LHFPL3: variants seen among roughly 807,000 people sequenced by gnomAD.
LHFPL3 encodes LHFPL tetraspan subfamily member 3 protein.
A neutral mutation model predicts 19.3 loss-of-function variants in LHFPL3; 5 were observed. The observed-to-expected ratio is 0.26, with a 90% CI of 0.14 to 0.54. The LOEUF is 0.54. Among genes scored for constraint, LHFPL3 ranks in the 20% least tolerant of loss-of-function variants. The probability of loss-of-function intolerance (pLI) is 0.94; values close to 1 mark genes in which losing one functional copy is unlikely to be tolerated. For synonymous variants in LHFPL3, 133 were observed against 126.2 expected (o/e 1.05, Z -0.36); for missense variants, 249 against 307.4 (o/e 0.81, Z 1.42).
In LHFPL3 at chr7:104,739,591, AT is replaced by A. The variant is rs145926577; in HGVS notation, c.682+2689del. Among the ~76,000 whole-genome samples, 57 of 150,814 alleles carry A rather than the reference AT, an allele frequency of 3.8e-4. 1 individual carries two copies. Among genetic ancestry groups the A allele is most frequent in the Admixed American group, 2.8e-3 (43 of 15,158 alleles). On this transcript the variant is annotated intron_variant, in intron 2 of 2. Coordinates refer to ENST00000424859, the MANE Select transcript of LHFPL3 (RefSeq NM_199000.3). ...TTCACCTATTAAGACTTTTTTCACT[AT>A]TTTTTTTTGCTGCTGTTCTTGTTTT... is the stretch of plus-strand genomic sequence containing the variant.
intron 1 of LHFPL3, among the ~76,000 whole-genome samples, chr7:104,454,970 T>C (rs1792511936): frequency 6.6e-6 from 1 of 152,210 alleles, no homozygotes; most frequent in Non-Finnish European, 1.5e-5. Flanking sequence ...ATGAGGTGTA[T>C]AGCCTGCCCC....
At chr7:104,561,390 G>A (rs537026352) in intron 1 of LHFPL3, among the ~76,000 whole-genome samples, 4 of 150,098 alleles carry the variant, frequency 2.7e-5, no homozygotes, top group East Asian at 1.9e-4. Flanking sequence ...TATATATTTA[G>A]GATAGTTAGC....
chr7:104,878,574 G>A (rs567847395), intron 2 of LHFPL3, among the ~76,000 whole-genome samples: 2 of 151,992 alleles, frequency 1.3e-5, no homozygotes, highest in South Asian at 4.2e-4. Flanking sequence ...CTCTCTTCAG[G>A]CCTCCCTATT....
intron 1 of LHFPL3, among the ~76,000 whole-genome samples, chr7:104,532,086 C>A (rs1335846557): frequency 6.6e-6 from 1 of 152,014 alleles, no homozygotes; most frequent in East Asian, 1.9e-4. Context: ...TCTCTCCTAG[C>A]CTAGATAATC....
At chr7:104,385,444 T>G (rs751287472) in intron 1 of LHFPL3, among the ~76,000 whole-genome samples, 1 of 152,178 alleles carries the variant, frequency 6.6e-6, no homozygotes, top group East Asian at 1.9e-4. Flanking sequence ...GTGGCCCTAT[T>G]TATGTGCTGA....
chr7:104,787,503 T>G (rs1251665533), intron 2 of LHFPL3, among the ~76,000 whole-genome samples: 1 of 152,190 alleles, frequency 6.6e-6, no homozygotes, highest in East Asian at 1.9e-4. Flanking sequence ...CTTCCATAGA[T>G]GGCATTCTTC....
At chr7:104,504,123 A>G (rs892210256) in intron 1 of LHFPL3, among the ~76,000 whole-genome samples, 2 of 151,984 alleles carry the variant, frequency 1.3e-5, no homozygotes, top group Non-Finnish European at 2.9e-5. Flanking sequence ...TATTCCTTTC[A>G]TCTTTATTTG....
At position 104,430,375 on chromosome 7, in the gene LHFPL3, TATATATAC is replaced by T. The variant is rs1249207312; in HGVS notation, c.445+101159_445+101166del. Among the ~76,000 whole-genome samples, 59 of 55,876 alleles carry T rather than the reference TATATATAC, an allele frequency of 1.1e-3. 1 individual carries two copies. Among genetic ancestry groups the T allele is most frequent in the African/African-American group, 6.5e-3 (47 of 7,214 alleles). The allele number at this position is 55,876 out of a possible 152,430, so 36.7% of individuals were successfully genotyped here. A position where few individuals can be genotyped will look rare whatever the true frequency, so the allele number is the denominator to read the frequency against. Reference sequence around the variant, plus strand: ...TGAAATTTGCATTTCTGTGGGTATATATATATACATATATATATATATATATATACATA... The same window carrying T: ...TGAAATTTGCATTTCTGTGGGTATATATATATATATATATATATATACATA... On this transcript the variant is annotated intron_variant, in intron 1 of 2. Coordinates refer to ENST00000424859, the MANE Select transcript of LHFPL3 (RefSeq NM_199000.3).
chr7:104,395,582 A>T (rs1427733915), intron 1 of LHFPL3, among the ~76,000 whole-genome samples: 2 of 152,182 alleles, frequency 1.3e-5, no homozygotes, highest in Non-Finnish European at 2.9e-5. Flanking sequence ...CCACTGACTG[A>T]CAGGAGAAGC....
intron 1 of LHFPL3, among the ~76,000 whole-genome samples, chr7:104,361,975 A>G (rs1410037070): frequency 2.0e-5 from 3 of 152,196 alleles, no homozygotes; most frequent in African/African-American, 7.2e-5. Context: ...GCATTACACC[A>G]CCTGACCAAC....
chr7:104,666,561 G>A (rs1342155395), intron 1 of LHFPL3, among the ~76,000 whole-genome samples: 1 of 82,618 alleles, frequency 1.2e-5, no homozygotes, highest in African/African-American at 4.3e-5. Flanking sequence ...TCGCTCTGTC[G>A]CCCAGGCTGG....
chr7:104,864,000 C>T (rs958452839), intron 2 of LHFPL3, among the ~76,000 whole-genome samples: 1 of 152,226 alleles, frequency 6.6e-6, no homozygotes, highest in African/African-American at 2.4e-5. Flanking sequence ...ATCCCTAGAA[C>T]ACTGAGTTAA....
At chr7:104,684,783 C>T (rs906601404) in intron 1 of LHFPL3, among the ~76,000 whole-genome samples, 8 of 152,324 alleles carry the variant, frequency 5.3e-5, no homozygotes, top group Admixed American at 2.6e-4. Context: ...CCAGGACCAG[C>T]CCAGGGCAGA....
chr7:104,429,877 G>A (rs1219793651), intron 1 of LHFPL3, among the ~76,000 whole-genome samples: 1 of 151,666 alleles, frequency 6.6e-6, no homozygotes, highest in Non-Finnish European at 1.5e-5. Context: ...AGAGTGATAT[G>A]TGGACATGTG....
chr7:104,462,207 C>T lies in LHFPL3; in HGVS notation c.445+132983C>T, dbSNP rs192399559. On this transcript the variant is annotated intron_variant, in intron 1 of 2. Transcript: ENST00000424859. ...CTGCAAACAGGGAAAATTTGACTTC[C>T]GCTCTTCCTATGTGATGCCCTTTAT... Among the ~76,000 whole-genome samples, 33 of 152,236 alleles carry T rather than the reference C, an allele frequency of 2.2e-4. No homozygotes were observed. In the East Asian group the frequency reaches 2.9e-3, roughly 13 times the overall value.
At chr7:104,463,214 T>A (rs554231078) in intron 1 of LHFPL3, among the ~76,000 whole-genome samples, 50 of 152,350 alleles carry the variant, frequency 3.3e-4, no homozygotes, top group African/African-American at 1.2e-3. Context: ...CTTGAACAGT[T>A]TTTTAATGTC....
At chr7:104,703,904 C>A (rs1362938647) in intron 1 of LHFPL3, among the ~76,000 whole-genome samples, 1 of 152,118 alleles carries the variant, frequency 6.6e-6, no homozygotes, top group South Asian at 2.1e-4. Context: ...CCTGGGCTTA[C>A]CTTAGCTCCC....
At chr7:104,512,401 C>G (rs1345252388) in intron 1 of LHFPL3, among the ~76,000 whole-genome samples, 1 of 152,052 alleles carries the variant, frequency 6.6e-6, no homozygotes, top group African/African-American at 2.4e-5. Flanking sequence ...CATGCGCTGC[C>G]TTCAGAGAGC....
At chr7:104,727,598 A>G (rs1259013513) in intron 1 of LHFPL3, among the ~76,000 whole-genome samples, 1 of 152,238 alleles carries the variant, frequency 6.6e-6, no homozygotes, top group Non-Finnish European at 1.5e-5. Context: ...ACAGCTATGA[A>G]AGTGCAGAGA....
Sources: gnomAD v4.1 joint callset for allele counts (sites outside exome capture counted in the v4.1 genomes callset) on GRCh38, gnomAD v4.1.1 for gene constraint, MANE v1.5 for transcripts, NCBI Gene and HGNC (gene_info 2026-07-23, HGNC 2026-07-21) for gene names.